The following KCNMB4 variants were observed in gnomAD, a reference collection of about 807,000 sequenced individuals.
KCNMB4 encodes potassium calcium-activated channel subfamily M regulatory beta subunit 4.
Under a neutral mutation model 20.7 loss-of-function variants are expected in KCNMB4, and 3 were observed. That is an observed-to-expected ratio of 0.14 (90% CI 0.07 to 0.37). The LOEUF is 0.37. Ranked by LOEUF, KCNMB4 falls within the 10% of genes least tolerant of loss-of-function variation. The pLI is 1.00. For missense variants in KCNMB4, 168 were observed against 265.9 expected, an observed-to-expected ratio of 0.63 and a Z score of 2.56; for synonymous variants, 110 against 113.4, an observed-to-expected ratio of 0.97 and a Z score of 0.19.
At chr12:70,423,868 AC>A (rs1205615243) in intron 2 of KCNMB4, among the ~76,000 whole-genome samples, 1 of 152,238 alleles carries the variant, frequency 6.6e-6, no homozygotes, top group Admixed American at 6.5e-5. Context: ...ACAAAAACAA[AC>A]AAACAAAATA....
At chr12:70,384,568 A>G (rs547712270) in intron 1 of KCNMB4, among the ~76,000 whole-genome samples, 2 of 152,212 alleles carry the variant, frequency 1.3e-5, no homozygotes, top group African/African-American at 2.4e-5. Flanking sequence ...GCACATAGAC[A>G]TTTGAGAAGC....
At chr12:70,386,003 A>G (rs1434191643) in intron 1 of KCNMB4, among the ~76,000 whole-genome samples, 2 of 152,214 alleles carry the variant, frequency 1.3e-5, no homozygotes, top group African/African-American at 4.8e-5. Flanking sequence ...TTCTTTTCAT[A>G]TATTTATGAT....
At chr12:70,384,462 C>T (rs1252974034) in intron 1 of KCNMB4, among the ~76,000 whole-genome samples, 5 of 152,234 alleles carry the variant, frequency 3.3e-5, no homozygotes, top group African/African-American at 1.2e-4. Flanking sequence ...CCCATCCCAA[C>T]TTGTCACCAC....
At chr12:70,378,248 G>A (rs968865803) in intron 1 of KCNMB4, among the ~76,000 whole-genome samples, 11 of 151,734 alleles carry the variant, frequency 7.2e-5, no homozygotes, top group African/African-American at 1.2e-4. Context: ...GAGCCACCGC[G>A]CCCGGCCTTC....
chr12:70,422,942 A>C (rs1280007027), intron 2 of KCNMB4: 2 of 723,284 alleles, frequency 2.8e-6, no homozygotes, highest in African/African-American at 3.7e-5. Context: ...TGGTTGAGAC[A>C]ATTACTTCAC....
intron 2 of KCNMB4, among the ~76,000 whole-genome samples, chr12:70,408,455 G>C (rs1868673793): frequency 1.3e-5 from 2 of 152,318 alleles, no homozygotes; most frequent in South Asian, 4.1e-4. Flanking sequence ...TTCAAGAAAA[G>C]GGTGTTATTT....
At chr12:70,400,458 G>A (rs1165123581) in intron 2 of KCNMB4, 122 bp downstream of exon 2, 1 of 984,238 alleles carries the variant, frequency 1.0e-6, no homozygotes, top group Non-Finnish European at 1.5e-6. Flanking sequence ...TTCTTTGCGT[G>A]TAATTAGGGA....
At chr12:70,413,620 G>T (rs2136136951) in intron 2 of KCNMB4, among the ~76,000 whole-genome samples, 1 of 152,272 alleles carries the variant, frequency 6.6e-6, no homozygotes, top group South Asian at 2.1e-4. Context: ...GTATTGTGGA[G>T]TTCACAGACT....
intron 1 of KCNMB4, among the ~76,000 whole-genome samples, chr12:70,375,402 A>G (rs907538557): frequency 6.6e-6 from 1 of 151,880 alleles, no homozygotes; most frequent in Non-Finnish European, 1.5e-5. Context: ...TGGGAGGTTG[A>G]GGCAGGAGGA....
intron 1 of KCNMB4, among the ~76,000 whole-genome samples, chr12:70,367,794 C>A (rs1883522033): frequency 6.6e-6 from 1 of 151,570 alleles, no homozygotes; most frequent in African/African-American, 2.4e-5. Context: ...AAATAGAAAA[C>A]CTTCAGTGAA....
intron 2 of KCNMB4, among the ~76,000 whole-genome samples, chr12:70,407,658 G>A (rs1340850466): frequency 5.3e-5 from 8 of 150,142 alleles, no homozygotes; most frequent in South Asian, 4.2e-4. Context: ...TAGTAGAGAC[G>A]GGGTTTCACC....
chr12:70,422,754 C>G (rs528970569), intron 2 of KCNMB4: 45 of 1,288,300 alleles, frequency 3.5e-5, no homozygotes, highest in Non-Finnish European at 4.5e-5. Context: ...GGAAGCATCT[C>G]CGGCAGGGGT....
rs998762217 is a variant in KCNMB4, at chr12:70,413,501, C to T, written c.464+13165C>T. 2.6e-5 allele frequency among the ~76,000 whole-genome samples: 4 copies of T among 152,114 alleles called. No homozygotes were observed. The East Asian group carries it at 7.7e-4, about 29-fold the overall frequency. ...GACTCCACTCCATTTCTATCCATGG[C>T]TCTCTTCGTGACTTAGTGATTGACC... On this transcript the variant is annotated intron_variant, in intron 2 of 2. Coordinates refer to ENST00000258111, the MANE Select transcript of KCNMB4 (RefSeq NM_014505.6).
chr12:70,380,331 A>G (rs1883760977), intron 1 of KCNMB4, among the ~76,000 whole-genome samples: 1 of 152,212 alleles, frequency 6.6e-6, no homozygotes, highest in South Asian at 2.1e-4. Flanking sequence ...AGCAATTATA[A>G]TAGTAACATC....
intron 2 of KCNMB4, among the ~76,000 whole-genome samples, chr12:70,402,880 C>CCTGT (rs1868494579): frequency 6.6e-6 from 1 of 152,124 alleles, no homozygotes; most frequent in African/African-American, 2.4e-5. Flanking sequence ...AGAGAAAGAG[C>CCTGT]CTGTCTTTCT....
intron 1 of KCNMB4, among the ~76,000 whole-genome samples, chr12:70,376,615 C>G (rs1401484829): frequency 2.6e-5 from 4 of 151,918 alleles, no homozygotes; most frequent in African/African-American, 2.4e-5. Flanking sequence ...CGCCTGTAAT[C>G]CCAGCACTTT....
chr12:70,371,292 T>G (rs1883589878), intron 1 of KCNMB4, among the ~76,000 whole-genome samples: 1 of 152,156 alleles, frequency 6.6e-6, no homozygotes, highest in African/African-American at 2.4e-5. Context: ...GAAGAAAAAC[T>G]TAGGTGGGAC....
chr12:70,371,686 A>G (rs947844814), intron 1 of KCNMB4, among the ~76,000 whole-genome samples: 22 of 152,190 alleles, frequency 1.4e-4, no homozygotes. Flanking sequence ...AGCATCTATT[A>G]TAATGATCAA....
chr12:70,375,985 G>C (rs1468550666), intron 1 of KCNMB4, among the ~76,000 whole-genome samples: 1 of 151,992 alleles, frequency 6.6e-6, no homozygotes, highest in African/African-American at 2.4e-5. Flanking sequence ...AAGAGTTTGT[G>C]ATTATATACC....
Sources: gnomAD v4.1 joint callset for allele counts (sites outside exome capture counted in the v4.1 genomes callset) on GRCh38, gnomAD v4.1.1 for gene constraint, MANE v1.5 for transcripts, NCBI Gene and HGNC (gene_info 2026-07-23, HGNC 2026-07-21) for gene names.